The following CBFA2T2 variants were observed in gnomAD, a reference collection of about 807,000 sequenced individuals.
CBFA2T2 encodes protein CBFA2T2.
CBFA2T2 carries 11 observed loss-of-function variants against 62.2 expected under a neutral mutation model. The observed-to-expected ratio is 0.18, with a 90% confidence interval of 0.11 to 0.29. The LOEUF is 0.29. Ranked by LOEUF, CBFA2T2 falls within the 10% of genes least tolerant of loss-of-function variation. The pLI, the probability that CBFA2T2 is intolerant of heterozygous loss-of-function variation, is 1.00. For missense variants in CBFA2T2, 592 were observed against 774.1 expected (o/e 0.76, Z 2.79); for synonymous variants, 295 against 287.5 (o/e 1.03, Z -0.27).
chr20:33,644,844 C>A lies in CBFA2T2; in HGVS notation c.*198C>A. ...CTGTCTGCGGAGCCAGTGTGCCATTCTCTGCACATGGGCAGCCAGCCTGAG... is the reference window on the plus strand; with the variant it reads ...CTGTCTGCGGAGCCAGTGTGCCATTATCTGCACATGGGCAGCCAGCCTGAG... On this transcript the variant is annotated 3_prime_UTR_variant, in exon 11 of 11. Transcript: ENST00000342704. 1 of 614,348 alleles carries A rather than the reference C, an allele frequency of 1.6e-6. No individual in the cohort carries two copies. The highest frequency in any genetic ancestry group is 2.8e-6 in the Non-Finnish European group (1 of 361,784). 38.1% of individuals were successfully genotyped at this position (614,348 alleles called of 1,614,324 possible). A position where few individuals can be genotyped will look rare whatever the true frequency, so the allele number is the denominator to read the frequency against.
intron 1 of CBFA2T2, among the ~76,000 whole-genome samples, chr20:33,492,239 G>A (rs1023258853): frequency 6.6e-6 from 1 of 151,670 alleles, no homozygotes; most frequent in African/African-American, 2.4e-5. Context: ...GGCTGGTCTC[G>A]AACCCCTGAC....
At chr20:33,634,795 C>T (rs1263384080) in intron 8 of CBFA2T2, among the ~76,000 whole-genome samples, 2 of 151,710 alleles carry the variant, frequency 1.3e-5, no homozygotes, top group African/African-American at 4.8e-5. Context: ...TTCAGTGTCA[C>T]AGGGCTTCCA....
intron 1 of CBFA2T2, among the ~76,000 whole-genome samples, chr20:33,597,676 C>T (rs372722853): frequency 6.6e-6 from 1 of 152,106 alleles, no homozygotes; most frequent in Non-Finnish European, 1.5e-5. Flanking sequence ...CACTCCCTAC[C>T]CCACCCCCAG....
chr20:33,627,774 G>A (rs574977105), intron 6 of CBFA2T2, among the ~76,000 whole-genome samples: 1 of 152,330 alleles, frequency 6.6e-6, no homozygotes, highest in East Asian at 1.9e-4. Context: ...GGGGTGTTGT[G>A]TTAATGACTC....
At chr20:33,545,922 T>A (rs538087342) in intron 1 of CBFA2T2, among the ~76,000 whole-genome samples, 1 of 152,336 alleles carries the variant, frequency 6.6e-6, no homozygotes, top group African/African-American at 2.4e-5. Context: ...ATGATTAGAC[T>A]TAGTCAATAA....
At chr20:33,503,254 C>CTT (rs557746879) in intron 1 of CBFA2T2, among the ~76,000 whole-genome samples, 2,920 of 108,652 alleles carry the variant, frequency 0.027, 202 homozygotes, top group Middle Eastern at 0.039. Flanking sequence ...TTCTTTCTTT[C>CTT]TTTTTTTTTT....
chr20:33,507,003 T>G (rs987957503), intron 1 of CBFA2T2, among the ~76,000 whole-genome samples: 2 of 152,206 alleles, frequency 1.3e-5, no homozygotes, highest in African/African-American at 4.8e-5. Context: ...TTTTGTAAAT[T>G]ATTTTAGCTT....
chr20:33,633,874 G>A (rs2016538288), intron 8 of CBFA2T2, among the ~76,000 whole-genome samples: 1 of 152,134 alleles, frequency 6.6e-6, no homozygotes, highest in Non-Finnish European at 1.5e-5. Context: ...GGCTTATGAT[G>A]TTAAATTGTA....
At chr20:33,568,059 A>G (rs947849614) in intron 1 of CBFA2T2, among the ~76,000 whole-genome samples, 14 of 152,150 alleles carry the variant, frequency 9.2e-5, no homozygotes, top group African/African-American at 3.4e-4. Context: ...AGATGGAGAG[A>G]AGACGGTGAA....
chr20:33,514,206 GTTTTTTTTTTT>G (rs1196003433), intron 1 of CBFA2T2, among the ~76,000 whole-genome samples: 2 of 53,348 alleles, frequency 3.7e-5, no homozygotes, highest in Middle Eastern at 0.015. Flanking sequence ...CCCTGCCTTT[GTTTTTTTTTTT>G]TTTTTTTTTT....
At chr20:33,614,569 CT>C (rs1400572979) in intron 3 of CBFA2T2, among the ~76,000 whole-genome samples, 1 of 152,188 alleles carries the variant, frequency 6.6e-6, no homozygotes, top group African/African-American at 2.4e-5. Flanking sequence ...CCATTCCCCC[CT>C]CTCCCTAGAC....
chr20:33,519,457 G>C (rs949385141), intron 1 of CBFA2T2, among the ~76,000 whole-genome samples: 14 of 152,126 alleles, frequency 9.2e-5, no homozygotes, highest in Non-Finnish European at 1.8e-4. Flanking sequence ...GCAACAGTGC[G>C]AGACTCTGTC....
intron 3 of CBFA2T2, chr20:33,618,396 A>T (rs2015792580): frequency 6.6e-6 from 1 of 152,190 alleles, no homozygotes; most frequent in Non-Finnish European, 1.5e-5. Context: ...ATTGAAATAC[A>T]AATATTGTGT....
intron 1 of CBFA2T2, among the ~76,000 whole-genome samples, chr20:33,552,387 C>G (rs991544341): frequency 2.2e-4 from 34 of 152,114 alleles, no homozygotes; most frequent in African/African-American, 7.7e-4. Context: ...TGATTTTTGA[C>G]AGATGAGAGT....
intron 6 of CBFA2T2, among the ~76,000 whole-genome samples, chr20:33,625,836 C>T (rs1243346205): frequency 2.0e-5 from 3 of 151,780 alleles, no homozygotes; most frequent in Non-Finnish European, 4.4e-5. Context: ...GGCGTGGTGG[C>T]TCACGCCTGT....
chr20:33,492,361 C>T (rs1387827440), intron 1 of CBFA2T2, among the ~76,000 whole-genome samples: 1 of 151,392 alleles, frequency 6.6e-6, no homozygotes, highest in Non-Finnish European at 1.5e-5. Context: ...GCTCTTCTGC[C>T]TATGAAGTAG....
intron 10 of CBFA2T2, among the ~76,000 whole-genome samples, chr20:33,642,910 T>A (rs2122400178): frequency 6.6e-6 from 1 of 152,298 alleles, no homozygotes; most frequent in Admixed American, 6.5e-5. Context: ...GGAATTGTAA[T>A]TTTAAATAAG....
chr20:33,538,919 C>G (rs1262105283), intron 1 of CBFA2T2, among the ~76,000 whole-genome samples: 1 of 151,626 alleles, frequency 6.6e-6, no homozygotes, highest in Non-Finnish European at 1.5e-5. Context: ...TCAGAAAACA[C>G]TGGTTTCATT....
intron 1 of CBFA2T2, among the ~76,000 whole-genome samples, 197 bp downstream of exon 1, chr20:33,490,498 C>G (rs1450706798): frequency 2.0e-5 from 3 of 152,144 alleles, no homozygotes; most frequent in Non-Finnish European, 4.4e-5. Context: ...TCCTGCGCCG[C>G]CCGAAGAGCT....
Sources: allele counts gnomAD v4.1 joint callset (sites outside exome capture counted in the v4.1 genomes callset), GRCh38; gene constraint gnomAD v4.1.1; transcripts MANE v1.5; gene names NCBI Gene and HGNC (gene_info 2026-07-23, HGNC 2026-07-21).